The following GRIK2 variants were observed in gnomAD, a reference collection of about 807,000 sequenced individuals.
GRIK2 encodes the protein glutamate receptor ionotropic, kainate 2.
A neutral mutation model predicts 100.3 loss-of-function variants in GRIK2; 32 were observed. The ratio of observed to expected loss-of-function variants is 0.32; its 90% confidence interval spans 0.24 to 0.43. GRIK2 has a LOEUF of 0.43. GRIK2 is among the 20% of genes least tolerant of loss of function. GRIK2 has a pLI of 1.00. For missense variants in GRIK2, 843 were observed against 1,114.9 expected (o/e 0.76, Z 3.47); for synonymous variants, 417 against 389.4 (o/e 1.07, Z -0.83).
chr6:101,926,019 A>C (rs1336663719), intron 13 of GRIK2, among the ~76,000 whole-genome samples: 1 of 151,106 alleles, frequency 6.6e-6, no homozygotes, highest in Non-Finnish European at 1.5e-5. Context: ...ATTAATATAT[A>C]TGTAAACTAT....
intron 7 of GRIK2, among the ~76,000 whole-genome samples, chr6:101,750,177 A>G (rs1776698380): frequency 6.6e-6 from 1 of 151,960 alleles, no homozygotes; most frequent in Non-Finnish European, 1.5e-5. Context: ...CTTCATAATT[A>G]CCCGGTTGAG....
chr6:102,031,786 T>A (rs913066017), intron 14 of GRIK2, among the ~76,000 whole-genome samples: 3 of 151,366 alleles, frequency 2.0e-5, no homozygotes. Context: ...CATGTTGCTG[T>A]AAAGGACATG....
chr6:101,788,062 G>T (rs982671904), intron 7 of GRIK2, among the ~76,000 whole-genome samples: 1 of 151,558 alleles, frequency 6.6e-6, no homozygotes, highest in African/African-American at 2.4e-5. Context: ...TTGTCTCTTT[G>T]TACTGTTTTT....
chr6:101,454,885 A>G (rs1229932431), intron 2 of GRIK2, among the ~76,000 whole-genome samples: 1 of 152,168 alleles, frequency 6.6e-6, no homozygotes, highest in Non-Finnish European at 1.5e-5. Context: ...GACATTTTCC[A>G]TGAACATTTA....
intron 2 of GRIK2, among the ~76,000 whole-genome samples, chr6:101,460,289 GA>G (rs1247446844): frequency 6.6e-6 from 1 of 152,138 alleles, no homozygotes; most frequent in Non-Finnish European, 1.5e-5. Flanking sequence ...TTTACACAAG[GA>G]CAAATGTTCA....
At chr6:102,030,881 A>G (rs1276870386) in intron 14 of GRIK2, among the ~76,000 whole-genome samples, 1 of 150,972 alleles carries the variant, frequency 6.6e-6, no homozygotes, top group Non-Finnish European at 1.5e-5. Flanking sequence ...TTAATGTCTA[A>G]CTTCATATTA....
chr6:102,046,385 A>G (rs1770887870), intron 15 of GRIK2, among the ~76,000 whole-genome samples: 1 of 151,980 alleles, frequency 6.6e-6, no homozygotes, highest in African/African-American at 2.4e-5. Context: ...TTAAGGAGGG[A>G]CATGGTGGGA....
chr6:101,445,138 C>A (rs1162027888), intron 2 of GRIK2, among the ~76,000 whole-genome samples: 1 of 152,088 alleles, frequency 6.6e-6, no homozygotes, highest in Non-Finnish European at 1.5e-5. Flanking sequence ...TCCTACTCTC[C>A]TTTTCCTCAA....
At chr6:101,595,710 G>GTATATATA (rs1380908125) in intron 2 of GRIK2, among the ~76,000 whole-genome samples, 57 of 125,954 alleles carry the variant, frequency 4.5e-4, no homozygotes, top group African/African-American at 1.8e-3. Context: ...GTGTGTGTGT[G>GTATATATA]TGTGTGTGTA....
chr6:101,911,558 C>T lies in GRIK2; in HGVS notation c.1749-13043C>T, dbSNP rs532329864. 2.0e-4 allele frequency among the ~76,000 whole-genome samples: 31 copies of T among 151,496 alleles called. No individual in the cohort carries two copies. The South Asian group carries it at 6.2e-3, about 30-fold the overall frequency. On this transcript the variant is annotated intron_variant, in intron 12 of 16. Coordinates refer to ENST00000369134, the MANE Select transcript of GRIK2 (RefSeq NM_021956.5). The stretch of plus-strand genomic sequence containing the variant: ...ACTTAAAGGTAATCATTATTTGTAA[C>T]ACTTTGATTTATTTTTAATCAACTA...
intron 2 of GRIK2, among the ~76,000 whole-genome samples, chr6:101,512,057 CAT>C (rs3057424): frequency 0.26 from 37,888 of 148,058 alleles, 5,879 homozygotes; most frequent in African/African-American, 0.42. Context: ...AAGATACATA[CAT>C]ATATATATAT....
intron 16 of GRIK2, among the ~76,000 whole-genome samples, chr6:102,057,584 A>T (rs1409291143): frequency 6.6e-6 from 1 of 151,982 alleles, no homozygotes; most frequent in Non-Finnish European, 1.5e-5. Context: ...ACTAGAAAGA[A>T]ATAACTGAGT....
chr6:102,054,736 A>C (rs1369178652), intron 15 of GRIK2, among the ~76,000 whole-genome samples: 7 of 152,154 alleles, frequency 4.6e-5, no homozygotes, highest in Non-Finnish European at 1.5e-5. Flanking sequence ...CCCTTGATTT[A>C]TAAAGTAAAT....
At position 101,723,460 on chromosome 6, in the gene GRIK2, A is replaced by G. The variant is rs2128366650; in HGVS notation, c.951+37107A>G. On this transcript the variant is annotated intron_variant, in intron 7 of 16. Transcript: ENST00000369134. ...AGTAGATTGCAAAATACCTTGCAACATTTTTTGAGTCAGCCAATTACTAGA... is the reference window on the plus strand; with the variant it reads ...AGTAGATTGCAAAATACCTTGCAACGTTTTTTGAGTCAGCCAATTACTAGA... Among the ~76,000 whole-genome samples the G allele has an allele frequency of 1.3e-5, 2 of 152,132 alleles. 1 individual carries two copies. Among genetic ancestry groups the G allele is most frequent in the Admixed American group, 1.3e-4 (2 of 15,248 alleles).
chr6:101,404,522 A>G (rs1370519244), intron 2 of GRIK2, among the ~76,000 whole-genome samples: 1 of 152,206 alleles, frequency 6.6e-6, no homozygotes, highest in African/African-American at 2.4e-5. Context: ...GGTAGCCCCA[A>G]TTACATTTAT....
chr6:101,480,427 A>ATT, intron 2 of GRIK2, among the ~76,000 whole-genome samples: 2 of 151,992 alleles, frequency 1.3e-5, no homozygotes, highest in South Asian at 4.2e-4. Context: ...CTCTCTTAGC[A>ATT]TCCTATCTTT....
intron 10 of GRIK2, among the ~76,000 whole-genome samples, chr6:101,821,923 C>G (rs562590090): frequency 1.3e-5 from 2 of 152,048 alleles, no homozygotes; most frequent in South Asian, 4.2e-4. Flanking sequence ...GAAGGAGATA[C>G]AAGGAGATGT....
intron 14 of GRIK2, among the ~76,000 whole-genome samples, chr6:102,023,250 C>T (rs13203156): frequency 0.27 from 40,976 of 150,756 alleles, 5,955 homozygotes; most frequent in East Asian, 0.34. Context: ...GAAAGTATGG[C>T]AACTACTGTG....
chr6:101,455,536 G>T (rs1202871376), intron 2 of GRIK2, among the ~76,000 whole-genome samples: 2 of 151,974 alleles, frequency 1.3e-5, no homozygotes, highest in Non-Finnish European at 2.9e-5. Context: ...TGTTATAGGA[G>T]CCATGCCTTA....
Sources: allele counts gnomAD v4.1 joint callset (sites outside exome capture counted in the v4.1 genomes callset), GRCh38; gene constraint gnomAD v4.1.1; transcripts MANE v1.5; gene names NCBI Gene and HGNC (gene_info 2026-07-23, HGNC 2026-07-21).